EFCAB13: variants seen among roughly 807,000 people sequenced by gnomAD.
The protein encoded by EFCAB13 is EF-hand calcium binding domain 13, also known as EF-hand calcium-binding domain-containing protein 13.
Under a neutral mutation model 110.2 loss-of-function variants are expected in EFCAB13, and 91 were observed. That is an observed-to-expected ratio of 0.83 (90% CI 0.70 to 0.98). EFCAB13 has a LOEUF of 0.98. Ranked by LOEUF, EFCAB13 falls within the 50% of genes least tolerant of loss-of-function variation. EFCAB13 has a pLI of 0.00. For missense variants in EFCAB13, 968 were observed against 1,119.4 expected, an observed-to-expected ratio of 0.86 and a Z score of 1.93; for synonymous variants, 323 against 369.9, an observed-to-expected ratio of 0.87 and a Z score of 1.45.
chr17:47,328,006 G>A, intron 3 of EFCAB13: 1 of 434,232 alleles, frequency 2.3e-6, no homozygotes, highest in East Asian at 3.6e-5. Flanking sequence ...ATAAACAGAT[G>A]TAATTGGATT....
chr17:47,335,304 G>A lies in EFCAB13; in HGVS notation c.139G>A (p.Glu47Lys). Residue 47 changes from glutamate to lysine, a missense_variant, in exon 5 of 25, where the codon GAG becomes AAG. Physicochemically the swap from Glu to Lys is moderately conservative, Grantham distance 56. Transcript: ENST00000331493. ...ATACATCAAGTTTTCTAAAACAATAGAGAAGGAAATTTCACCGGAAATTAG... is the reference window on the plus strand; with the variant it reads ...ATACATCAAGTTTTCTAAAACAATAAAGAAGGAAATTTCACCGGAAATTAG... ...KKYIKFSKTIEKEISPEIRSL... is the reference protein window; with the variant it reads ...KKYIKFSKTIKKEISPEIRSL... 1 of 1,607,540 alleles carries A rather than the reference G, an allele frequency of 6.2e-7. No homozygotes were observed. The highest frequency in any genetic ancestry group is 8.5e-7 in the Non-Finnish European group (1 of 1,178,118).
chr17:47,438,963 G>T (rs979363941), intron 24 of EFCAB13, among the ~76,000 whole-genome samples: 2 of 151,990 alleles, frequency 1.3e-5, no homozygotes, highest in Non-Finnish European at 2.9e-5. Context: ...TTGGCCTCCT[G>T]TATTTCCAAG....
intron 4 of EFCAB13, among the ~76,000 whole-genome samples, chr17:47,331,732 C>T (rs964659107): frequency 3.3e-5 from 5 of 152,134 alleles, no homozygotes; most frequent in African/African-American, 9.7e-5. Flanking sequence ...TAGCTATTTA[C>T]TTCTCCTTCC....
chr17:47,439,171 G>GTTTTTT (rs71141908), intron 24 of EFCAB13, among the ~76,000 whole-genome samples: 1,870 of 73,528 alleles, frequency 0.025, 9 homozygotes, highest in Non-Finnish European at 0.029. Flanking sequence ...TCTTTGTTTT[G>GTTTTTT]TTTTTTTTTT....
chr17:47,439,164 T>G (rs1905265585), intron 24 of EFCAB13, among the ~76,000 whole-genome samples: 1 of 138,478 alleles, frequency 7.2e-6, no homozygotes, highest in Non-Finnish European at 1.6e-5. Flanking sequence ...AGTTTCCTCT[T>G]TGTTTTGTTT....
At chr17:47,350,071 GC>G (rs2065441047) in intron 9 of EFCAB13, among the ~76,000 whole-genome samples, 1 of 152,090 alleles carries the variant, frequency 6.6e-6, no homozygotes, top group Non-Finnish European at 1.5e-5. Context: ...ACCGTGCCCG[GC>G]CTGATGTTTC....
At chr17:47,369,465 A>T (rs1157907814) in intron 10 of EFCAB13, among the ~76,000 whole-genome samples, 1 of 152,230 alleles carries the variant, frequency 6.6e-6, no homozygotes, top group African/African-American at 2.4e-5. Context: ...AGTTGTGCAT[A>T]GTAATAATAT....
At chr17:47,351,321 G>GCA (rs1488960855) in intron 9 of EFCAB13, among the ~76,000 whole-genome samples, 68 of 148,612 alleles carry the variant, frequency 4.6e-4, no homozygotes, top group African/African-American at 1.7e-3. Flanking sequence ...GCGCGCGCGC[G>GCA]CGCGCGCCAC....
intron 4 of EFCAB13, among the ~76,000 whole-genome samples, chr17:47,332,348 T>G (rs1487094697): frequency 1.3e-5 from 2 of 152,204 alleles, no homozygotes; most frequent in East Asian, 1.9e-4. Context: ...TTTTGATCTA[T>G]GTATACATTA....
chr17:47,364,613 C>G (rs988668383), intron 10 of EFCAB13, among the ~76,000 whole-genome samples: 1 of 152,106 alleles, frequency 6.6e-6, no homozygotes, highest in Non-Finnish European at 1.5e-5. Flanking sequence ...TCTTTATCTC[C>G]CTATCTTAGT....
Position 47,401,597 on chromosome 17 carries a change from A to G in EFCAB13, c.1946-535A>G, listed in dbSNP as rs117359954. Among the ~76,000 whole-genome samples, 640 of 139,872 alleles carry G rather than the reference A, an allele frequency of 4.6e-3. 18 individuals are homozygous for G. The East Asian group carries it at 0.068, about 15-fold the overall frequency. The allele number at this position is 139,872 out of a possible 152,430, so 91.8% of individuals were successfully genotyped here. A position where few individuals can be genotyped will look rare whatever the true frequency, so the allele number is the denominator to read the frequency against. Reference sequence around the variant, plus strand: ...GTTTTATATTTTGGGAATATGGATTATATTGTTTCCATTGATTGATTGAAA... The same window carrying G: ...GTTTTATATTTTGGGAATATGGATTGTATTGTTTCCATTGATTGATTGAAA... On this transcript the variant is annotated intron_variant, in intron 17 of 24. Coordinates refer to ENST00000331493, the MANE Select transcript of EFCAB13 (RefSeq NM_152347.5).
At chr17:47,345,706 C>A (rs1180871216) in intron 8 of EFCAB13, among the ~76,000 whole-genome samples, 2 of 152,176 alleles carry the variant, frequency 1.3e-5, no homozygotes, top group Admixed American at 1.3e-4. Context: ...CAGACGTCAA[C>A]GTCTTATTCT....
rs1297749461 is a variant in EFCAB13, at chr17:47,361,447, C to T, written c.731C>T (p.Ala244Val). The change falls in exon 10 of 25, where the codon GCT becomes GTT. Residue 244 changes from alanine (A) to valine (V), a missense_variant. Physicochemically the swap from Ala to Val is moderately conservative, Grantham distance 64. Transcript: ENST00000331493. ...GGRVSTDDVF[A>V]VLDSMGIPIN... The stretch of plus-strand genomic sequence containing the variant: ...CGAGTTTCAACTGATGACGTGTTTG[C>T]TGTTTTGGATAGCATGGGTATCCCT... 15 of 1,613,684 alleles carry T rather than the reference C, an allele frequency of 9.3e-6. No homozygotes were observed. The highest frequency in any genetic ancestry group is 2.7e-5 in the African/African-American group (2 of 74,864).
chr17:47,436,951 G>A (rs2034729136), intron 24 of EFCAB13, among the ~76,000 whole-genome samples: 1 of 151,628 alleles, frequency 6.6e-6, no homozygotes, highest in African/African-American at 2.4e-5. Context: ...GGTTTTGATA[G>A]GTTGTGTCAT....
rs750914241 is a variant in EFCAB13 at position 47,374,961 on chromosome 17, C to T, written c.1367C>T (p.Thr456Ile). Residue 456 changes from threonine to isoleucine, a missense_variant, in exon 12 of 25, where the codon ACT becomes ATT. Transcript: ENST00000331493. Reference sequence around the variant, plus strand: ...TCTACGGAAAAAACTGCAATTAGTACTCTGGGTAAGTAAAAATCTAGGTTC... The same window carrying T: ...TCTACGGAAAAAACTGCAATTAGTATTCTGGGTAAGTAAAAATCTAGGTTC... ...VSSTEKTAIS[T>I]LENFCEAISK... 1.0e-5 allele frequency: 16 copies of T among 1,557,908 alleles called. No homozygotes were observed. The highest frequency in any genetic ancestry group is 1.4e-5 in the Non-Finnish European group (16 of 1,160,234).
At chr17:47,335,125 G>A in intron 4 of EFCAB13, 71 bp from the exon 5 acceptor site, 1 of 1,401,220 alleles carries the variant, frequency 7.1e-7, no homozygotes, top group East Asian at 2.4e-5. Context: ...ATGAATGATT[G>A]ACCCAGAATG....
intron 4 of EFCAB13, among the ~76,000 whole-genome samples, chr17:47,331,792 T>C (rs1407099804): frequency 6.6e-6 from 1 of 152,190 alleles, no homozygotes; most frequent in African/African-American, 2.4e-5. Context: ...AGTTTTGCCT[T>C]TTCCAGAATG....
intron 23 of EFCAB13, chr17:47,423,658 G>C: frequency 2.4e-6 from 1 of 408,664 alleles, no homozygotes; most frequent in Non-Finnish European, 4.1e-6. Context: ...GTAGGTGCGG[G>C]CGGCGCGCGG....
intron 24 of EFCAB13, among the ~76,000 whole-genome samples, chr17:47,439,100 G>A (rs1310952780): frequency 6.9e-6 from 1 of 145,300 alleles, no homozygotes; most frequent in African/African-American, 2.6e-5. Flanking sequence ...TATTATCCAT[G>A]TTCTGTATTA....
Sources: allele counts gnomAD v4.1 joint callset (sites outside exome capture counted in the v4.1 genomes callset), GRCh38; gene constraint gnomAD v4.1.1; transcripts MANE v1.5; gene names NCBI Gene and HGNC (gene_info 2026-07-23, HGNC 2026-07-21).